Variants in GSE1 observed in about 807,000 individuals in gnomAD.
The protein encoded by GSE1 is genetic suppressor element 1.
A neutral mutation model predicts 112.6 loss-of-function variants in GSE1; 32 were observed. That is an observed-to-expected ratio of 0.28 (90% CI 0.21 to 0.38). The LOEUF (loss-of-function observed/expected upper bound fraction) is 0.38, where lower values mean the gene tolerates loss of function less well. Ranked by LOEUF, GSE1 falls within the 10% of genes least tolerant of loss-of-function variation. The probability of loss-of-function intolerance (pLI) is 1.00; values close to 1 mark genes in which losing one functional copy is unlikely to be tolerated. For missense variants in GSE1, 2,348 were observed against 1,699.2 expected, an observed-to-expected ratio of 1.38 and a Z score of -6.71; for synonymous variants, 1,115 against 735.6, an observed-to-expected ratio of 1.52 and a Z score of -8.35.
At chr16:85,529,417 G>A (rs1414018774) in intron 2 of GSE1, among the ~76,000 whole-genome samples, 1 of 152,172 alleles carries the variant, frequency 6.6e-6, no homozygotes. Flanking sequence ...AAGATGTATT[G>A]CCAATATTTA....
intron 1 of GSE1, among the ~76,000 whole-genome samples, chr16:85,355,181 C>T (rs2046926658): frequency 6.6e-6 from 1 of 152,098 alleles, no homozygotes; most frequent in African/African-American, 2.4e-5. Context: ...CTGAACCATC[C>T]ATCTCACTTA....
intron 2 of GSE1, among the ~76,000 whole-genome samples, chr16:85,437,196 G>A (rs973134136): frequency 1.3e-5 from 2 of 152,076 alleles, no homozygotes; most frequent in African/African-American, 2.4e-5. Flanking sequence ...CCCTCCCTGC[G>A]GACGCCTCCG....
chr16:85,611,425 A>C (rs1209251217), upstream of GSE1: 2 of 981,968 alleles, frequency 2.0e-6, no homozygotes, highest in East Asian at 2.3e-4. Context: ...TGGTGCGTAA[A>C]TTATAGCGTC....
At chr16:85,539,044 C>T (rs1039602985) in intron 2 of GSE1, among the ~76,000 whole-genome samples, 2 of 152,390 alleles carry the variant, frequency 1.3e-5, no homozygotes, top group Non-Finnish European at 2.9e-5. Context: ...GTGCCAGCCC[C>T]GCGGGGCATG....
intron 2 of GSE1, among the ~76,000 whole-genome samples, chr16:85,506,290 T>C (rs1012760713): frequency 2.0e-5 from 3 of 152,196 alleles, no homozygotes; most frequent in African/African-American, 7.2e-5. Flanking sequence ...ATTTTTCCTT[T>C]GATTTTATTT....
chr16:85,532,766 G>A (rs1330614008), intron 2 of GSE1, among the ~76,000 whole-genome samples: 2 of 152,358 alleles, frequency 1.3e-5, no homozygotes, highest in African/African-American at 4.8e-5. Flanking sequence ...TGGCATACCT[G>A]CCACATGTGT....
intron 2 of GSE1, among the ~76,000 whole-genome samples, chr16:85,482,942 C>T (rs577684540): frequency 1.3e-5 from 2 of 149,156 alleles, no homozygotes; most frequent in African/African-American, 2.5e-5. Flanking sequence ...TGCGCCATTG[C>T]ACTCCAGCCA....
intron 1 of GSE1, among the ~76,000 whole-genome samples, chr16:85,596,514 C>A (rs1011197529): frequency 6.6e-6 from 1 of 152,254 alleles, no homozygotes; most frequent in Non-Finnish European, 1.5e-5. Context: ...ATACACCTCA[C>A]AGACCAAATA....
At chr16:85,314,724 G>T (rs2045951608) in intron 1 of GSE1, among the ~76,000 whole-genome samples, 1 of 152,188 alleles carries the variant, frequency 6.6e-6, no homozygotes, top group South Asian at 2.1e-4. Flanking sequence ...CCCCGCAGCA[G>T]GCCCTAGGTT....
chr16:85,640,392 C>T (rs1408735839), intron 2 of GSE1, among the ~76,000 whole-genome samples: 4 of 152,250 alleles, frequency 2.6e-5, no homozygotes, highest in African/African-American at 9.6e-5. Flanking sequence ...GGGACGGGGC[C>T]GACAGGTGGT....
chr16:85,661,115 C>T, intron 8 of GSE1, 31 bp from the exon 9 acceptor site: 7 of 1,533,368 alleles, frequency 4.6e-6, no homozygotes, highest in Non-Finnish European at 6.2e-6. Context: ...GGTCTTTTCT[C>T]CCTGACTGAA....
chr16:85,669,221 G>A (rs1051466034), intron 14 of GSE1, among the ~76,000 whole-genome samples: 3 of 152,248 alleles, frequency 2.0e-5, no homozygotes, highest in Non-Finnish European at 1.5e-5. Context: ...TCCTTACTGC[G>A]TGGGCACTGC....
intron 1 of GSE1, chr16:85,185,025 T>G (rs940971839): frequency 6.6e-6 from 1 of 152,260 alleles, no homozygotes; most frequent in African/African-American, 2.4e-5. Context: ...GAGTGCTGAT[T>G]TCTACTACAG....
intron 2 of GSE1, among the ~76,000 whole-genome samples, chr16:85,549,914 G>A (rs1446450298): frequency 2.0e-5 from 3 of 152,158 alleles, no homozygotes; most frequent in Non-Finnish European, 2.9e-5. Flanking sequence ...GGGGCAGGTC[G>A]TAAGTAAGAT....
chr16:85,170,367 C>T, exon 1 of GSE1: 2 of 985,422 alleles, frequency 2.0e-6, no homozygotes, highest in East Asian at 1.1e-4. Context: ...CCTGGCAAGG[C>T]CCTCTTGTCC....
At position 85,634,038 on chromosome 16, in the gene GSE1, C is replaced by T. The variant is rs200241797; in HGVS notation, c.132C>T (p.Pro44=). The stretch of plus-strand genomic sequence containing the variant: ...GCGCCCTGGTGCCCAGCGGCAGCCC[C>T]GCCACCAGCAGCGCGCTGTCGGCCC... ...LNGALVPSGS[P]ATSSALSAQA... Residue 44 remains proline (P), a synonymous_variant, in exon 2 of 16, where the codon CCC becomes CCT. Coordinates refer to ENST00000253458, the MANE Select transcript of GSE1 (RefSeq NM_014615.5). 5.5e-5 allele frequency: 88 copies of T among 1,610,646 alleles called. 1 individual carries two copies. Among genetic ancestry groups the T allele is most frequent in the African/African-American group, 3.7e-4 (28 of 74,974 alleles).
chr16:85,468,591 G>A (rs1431360693), intron 2 of GSE1, among the ~76,000 whole-genome samples: 1 of 151,874 alleles, frequency 6.6e-6, no homozygotes, highest in Non-Finnish European at 1.5e-5. Context: ...CAAAGTGCTG[G>A]GATTACAGGT....
chr16:85,359,224 G>C, intron 2 of GSE1: 1 of 365,236 alleles, frequency 2.7e-6, no homozygotes, highest in South Asian at 2.0e-5. Context: ...CCTGTGCCTA[G>C]GGCAGGCCGG....
chr16:85,412,909 C>G (rs1244098215), intron 2 of GSE1, among the ~76,000 whole-genome samples: 1 of 152,214 alleles, frequency 6.6e-6, no homozygotes, highest in African/African-American at 2.4e-5. Flanking sequence ...CGTGATCCAG[C>G]CCACCCCAGC....
Sources: allele counts gnomAD v4.1 joint callset (sites outside exome capture counted in the v4.1 genomes callset), GRCh38; gene constraint gnomAD v4.1.1; transcripts MANE v1.5; gene names NCBI Gene and HGNC (gene_info 2026-07-23, HGNC 2026-07-21).